EP400: variants seen among roughly 807,000 people sequenced by gnomAD.
The protein encoded by EP400 is E1A binding protein p400.
Under a neutral mutation model 354.1 loss-of-function variants are expected in EP400, and 105 were observed. That is an observed-to-expected ratio of 0.30 (90% CI 0.25 to 0.35). The LOEUF is 0.35. Ranked by LOEUF, EP400 falls within the 10% of genes least tolerant of loss-of-function variation. The probability of loss-of-function intolerance (pLI) is 1.00; values close to 1 mark genes in which losing one functional copy is unlikely to be tolerated. For synonymous variants in EP400, 1,646 were observed against 1,716.9 expected, an observed-to-expected ratio of 0.96 and a Z score of 1.02; for missense variants, 3,280 against 4,121.0, an observed-to-expected ratio of 0.80 and a Z score of 5.59.
intron 39 of EP400, among the ~76,000 whole-genome samples, chr12:132,048,519 ATTT>A (rs35268260): frequency 2.2e-5 from 3 of 133,590 alleles, no homozygotes; most frequent in African/African-American, 5.5e-5. Flanking sequence ...TTTGAGAGTG[ATTT>A]TTTTTTTTTT....
chr12:132,034,150 A>G (rs1448090779), intron 30 of EP400, among the ~76,000 whole-genome samples: 1 of 152,218 alleles, frequency 6.6e-6, no homozygotes, highest in Non-Finnish European at 1.5e-5. Context: ...GTTTATGTTG[A>G]ATGGATAAGG....
intron 32 of EP400, among the ~76,000 whole-genome samples, chr12:132,041,193 A>G (rs946223808): frequency 7.2e-5 from 11 of 152,244 alleles, no homozygotes; most frequent in African/African-American, 2.7e-4. Context: ...CTGTGGCTAT[A>G]GGATTCTTCT....
At chr12:131,954,431 A>G (rs569558498) in intron 1 of EP400, among the ~76,000 whole-genome samples, 67 of 152,188 alleles carry the variant, frequency 4.4e-4, no homozygotes, top group Middle Eastern at 6.8e-3. Context: ...ATACAAAAAA[A>G]TACAAAAATT....
intron 12 of EP400, among the ~76,000 whole-genome samples, chr12:131,996,421 A>G (rs888499601): frequency 8.6e-5 from 13 of 150,422 alleles, no homozygotes; most frequent in Admixed American, 8.0e-4. Flanking sequence ...CCTCCTGAGT[A>G]GCTGGGACTA....
At chr12:132,028,807 C>G (rs531541127) in intron 27 of EP400, 1 of 156,872 alleles carries the variant, frequency 6.4e-6, no homozygotes, top group African/African-American at 2.4e-5. Context: ...GCTTGGACCC[C>G]ATCTCCAGGC....
rs1342073046 is a variant in EP400 at position 132,028,208 on chromosome 12, C to T, written c.5301C>T (p.Tyr1767=). The stretch of plus-strand genomic sequence containing the variant: ...AGGAGGCCGGGCCAGCGCACAGTTA[C>T]ACTTCATCCTCAGAAAGTCCAAGTG... ...RGKEAGPAHS[Y]TSSSESPSEL... The change falls in exon 27 of 53, where the codon TAC becomes TAT. Residue 1767 remains tyrosine, a synonymous_variant. Transcript: ENST00000389561. 1 of 1,614,192 alleles carries T rather than the reference C, an allele frequency of 6.2e-7. No individual in the cohort carries two copies. Among genetic ancestry groups the T allele is most frequent in the Non-Finnish European group, 8.5e-7 (1 of 1,180,034 alleles).
chr12:131,982,211 G>T lies in EP400; in HGVS notation c.1662G>T (p.Leu554=). ...ACGCTGCCAGCTTGCACACCCCACT[G>T]CCGCAGCTGCCCGGGAGGCTGCCCC... is the stretch of plus-strand genomic sequence containing the variant. The part of the protein sequence containing the change: ...VQNAASLHTP[L]PQLPGRLPPA... Residue 554 remains leucine (L), a synonymous_variant, in exon 5 of 53, where the codon CTG becomes CTT. Coordinates refer to ENST00000389561, the MANE Select transcript of EP400 (RefSeq NM_015409.5). 1 of 1,613,838 alleles carries T rather than the reference G, an allele frequency of 6.2e-7. No homozygotes were observed. Among genetic ancestry groups the T allele is most frequent in the Non-Finnish European group, 8.5e-7 (1 of 1,179,928 alleles).
At chr12:132,071,200 G>A (rs1896057212) in intron 51 of EP400, among the ~76,000 whole-genome samples, 1 of 151,732 alleles carries the variant, frequency 6.6e-6, no homozygotes, top group Non-Finnish European at 1.5e-5. Context: ...GGTGCTTTTT[G>A]TCTTGTTTAA....
Position 132,029,675 on chromosome 12 carries a change from G to A in EP400, c.5382-26G>A. Reference sequence around the variant, plus strand: ...GTGAAGGTGTGTGGCTCCTGGTGGTGACAAAACATGCTTTCTGCTCCTCAG... The same window carrying A: ...GTGAAGGTGTGTGGCTCCTGGTGGTAACAAAACATGCTTTCTGCTCCTCAG... On this transcript the variant is annotated intron_variant, in intron 27 of 52. Transcript: ENST00000389561. This position sits in a 1 kb window ranked among gnomAD's most constrained non-coding sequence, Gnocchi z 4.7. 3 of 1,606,110 alleles carry A rather than the reference G, an allele frequency of 1.9e-6. No homozygotes were observed. The highest frequency in any genetic ancestry group is 2.6e-6 in the Non-Finnish European group (3 of 1,175,558).
At position 131,982,327 on chromosome 12, in the gene EP400, C is replaced by T. The variant is rs376710422; in HGVS notation, c.1778C>T (p.Pro593Leu). 2.4e-5 allele frequency: 38 copies of T among 1,614,030 alleles called. No individual in the cohort carries two copies. Among genetic ancestry groups the T allele is most frequent in the African/African-American group, 2.7e-5 (2 of 74,918 alleles). The change falls in exon 5 of 53, where the codon CCG (proline) becomes CTG (leucine). Residue 593 changes from proline (P) to leucine (L), a missense_variant. Physicochemically the swap from Pro to Leu is moderately conservative, Grantham distance 98. Around this residue, in one of 20 missense-constraint regions of EP400, gnomAD observed 800 missense variants for 840.0 expected, o/e 0.95. Coordinates refer to ENST00000389561, the MANE Select transcript of EP400 (RefSeq NM_015409.5). ...GAGGCCCAGACACAGCTCCAAATCC[C>T]GGTGAAGACTCAGCAGCCCAATGTT... ...VVEAQTQLQI[P>L]VKTQQPNVPI...
rs139060470 is a variant in EP400 at position 132,032,629 on chromosome 12, T to G, written c.5951+480T>G. Reference sequence around the variant, plus strand: ...GAAGAGAAAAGAGAATTAGTTTTTTTTTTTTTTTTTCTTTTTTTTGAGATG... The same window carrying G: ...GAAGAGAAAAGAGAATTAGTTTTTTGTTTTTTTTTTCTTTTTTTTGAGATG... On this transcript the variant is annotated intron_variant, in intron 30 of 52. Transcript: ENST00000389561. Among the ~76,000 whole-genome samples the G allele has an allele frequency of 8.9e-3, 1,358 of 152,122 alleles. 15 individuals are homozygous for G. The highest frequency in any genetic ancestry group is 0.031 in the African/African-American group (1,295 of 41,536).
intron 2 of EP400, 38 bp downstream of exon 2, chr12:131,961,992 C>T: frequency 6.4e-7 from 1 of 1,571,898 alleles, no homozygotes; most frequent in Non-Finnish European, 8.6e-7. Flanking sequence ...TACAAATCTT[C>T]TAGATGATCA....
Position 131,986,725 on chromosome 12 carries a change from C to T in EP400, c.2141C>T (p.Pro714Leu). ...ACCCCAGGGGTGGTGGCATCTGCCC[C>T]CACCAAACCACAGAGTCCTGCTCAG... ...SRTPGVVASA[P>L]TKPQSPAQNA... Residue 714 changes from proline to leucine, a missense_variant, in exon 6 of 53, where the codon CCC (proline) becomes CTC (leucine). Coordinates refer to ENST00000389561, the MANE Select transcript of EP400 (RefSeq NM_015409.5). 1 of 1,614,204 alleles carries T rather than the reference C, an allele frequency of 6.2e-7. No individual in the cohort carries two copies. The highest frequency in any genetic ancestry group is 8.5e-7 in the Non-Finnish European group (1 of 1,180,038).
At chr12:131,959,028 G>C (rs1211360946) in intron 1 of EP400, among the ~76,000 whole-genome samples, 1 of 152,230 alleles carries the variant, frequency 6.6e-6, no homozygotes. Context: ...CAGGACTGGA[G>C]AAGTCTGAAT....
Position 132,030,070 on chromosome 12 carries a change from T to G in EP400, c.5666T>G (p.Leu1889Arg). The change falls in exon 29 of 53, where the codon CTT becomes CGT. Residue 1889 changes from leucine (L) to arginine (R), a missense_variant. Leu to Arg is a moderately radical substitution (Grantham distance 102). Transcript: ENST00000389561. The part of the protein sequence containing the change: ...RRVLILSQMI[L>R]MLDILEMFLN... ...GTGCTGATTTTATCACAGATGATTC[T>G]TATGTTGGACATTTTAGAGATGTTC... 1.9e-6 allele frequency: 3 copies of G among 1,614,252 alleles called. No homozygotes were observed. Among genetic ancestry groups the G allele is most frequent in the Non-Finnish European group, 2.5e-6 (3 of 1,180,042 alleles).
intron 2 of EP400, among the ~76,000 whole-genome samples, chr12:131,968,953 C>G (rs1403032657): frequency 1.3e-4 from 20 of 152,026 alleles, no homozygotes; most frequent in Admixed American, 1.3e-3. Flanking sequence ...TTTGTAGATT[C>G]CATGGGATTC....
rs1278021302 is a variant in EP400 at position 132,050,683 on chromosome 12, T to TA, written c.7394+29dup. 1.2e-6 allele frequency: 2 copies of TA among 1,613,980 alleles called. No homozygotes were observed. The highest frequency in any genetic ancestry group is 1.7e-6 in the Non-Finnish European group (2 of 1,179,820). On this transcript the variant is annotated intron_variant, in intron 41 of 52. Transcript: ENST00000389561. This position sits in a 1 kb window ranked among gnomAD's most constrained non-coding sequence, Gnocchi z 4.8. The stretch of plus-strand genomic sequence containing the variant: ...ATTTCTCTATTCGTGACACATTTGT[T>TA]ACTGTTTGGAAGGATTTCATTCCAG...
rs141193796 is a variant in EP400 at position 132,032,024 on chromosome 12, A to G, written c.5826A>G (p.Thr1942=). Residue 1942 remains threonine, a synonymous_variant, in exon 30 of 53, where the codon ACA becomes ACG. Coordinates refer to ENST00000389561, the MANE Select transcript of EP400 (RefSeq NM_015409.5). ...TTCTCTCCACTCACAGCCGTACCAC[A>G]GGTATAAACCTTGTAGAGGCGGACA... ...CAILSTHSRT[T]GINLVEADTV... is the part of the protein sequence containing the mutation. The G allele has an allele frequency of 2.7e-4, 440 of 1,614,074 alleles. 2 individuals carry two copies. The highest frequency in any genetic ancestry group is 4.9e-4 in the Middle Eastern group (3 of 6,082).
intron 1 of EP400, among the ~76,000 whole-genome samples, chr12:131,955,272 A>C (rs1384950598): frequency 1.3e-5 from 2 of 151,124 alleles, no homozygotes; most frequent in African/African-American, 4.9e-5. Context: ...TATAATTTAC[A>C]TATGGTAAAA....
Sources: gnomAD v4.1 joint callset for allele counts (sites outside exome capture counted in the v4.1 genomes callset) on GRCh38, gnomAD v4.1.1 for gene constraint, gnomAD v4.1.1 regional missense constraint, Gnocchi (gnomAD v3.1) non-coding constraint, MANE v1.5 for transcripts, NCBI Gene and HGNC (gene_info 2026-07-23, HGNC 2026-07-21) for gene names.